The following SLC22A23 variants were observed in gnomAD, a reference collection of about 807,000 sequenced individuals.
The protein encoded by SLC22A23 is ion transporter protein.
Under a neutral mutation model 61.0 loss-of-function variants are expected in SLC22A23, and 26 were observed. The observed-to-expected ratio is 0.43, with a 90% CI of 0.31 to 0.59. The LOEUF (loss-of-function observed/expected upper bound fraction) is 0.59. Among genes scored for constraint, SLC22A23 ranks in the 20% least tolerant of loss-of-function variants. SLC22A23 has a pLI of 0.11. For synonymous variants in SLC22A23, 430 were observed against 413.9 expected (o/e 1.04, Z -0.47); for missense variants, 796 against 934.7 (o/e 0.85, Z 1.94).
chr6:3,425,938 G>A (rs1463413368), intron 1 of SLC22A23, among the ~76,000 whole-genome samples: 1 of 152,202 alleles, frequency 6.6e-6, no homozygotes, highest in Non-Finnish European at 1.5e-5. Context: ...ATATTAATTT[G>A]TTACAGGTTA....
At chr6:3,298,345 A>G in intron 4 of SLC22A23, 127 bp from the exon 5 acceptor site, 1 of 1,033,406 alleles carries the variant, frequency 9.7e-7, no homozygotes, top group Non-Finnish European at 1.4e-6. Context: ...GCATCAGCCC[A>G]ATCAGGGGAG....
At chr6:3,422,901 CT>C (rs1211664240) in intron 1 of SLC22A23, among the ~76,000 whole-genome samples, 2 of 152,170 alleles carry the variant, frequency 1.3e-5, no homozygotes, top group African/African-American at 4.8e-5. Context: ...TCTAGCAGAC[CT>C]GCATTCTGAG....
At position 3,397,563 on chromosome 6, in the gene SLC22A23, CAT is replaced by C. The variant is rs558809639; in HGVS notation, c.913+12623_913+12624del. ...CTTTACATGGTTACTATGAAATTTA[CAT>C]ATCTTTCTATATATTTGTGTATATG... On this transcript the variant is annotated intron_variant, in intron 3 of 9. Coordinates refer to ENST00000406686, the MANE Select transcript of SLC22A23 (RefSeq NM_015482.2). Among the ~76,000 whole-genome samples, 559 of 152,320 alleles carry C rather than the reference CAT, an allele frequency of 3.7e-3. 2 individuals are homozygous for C. The highest frequency in any genetic ancestry group is 6.9e-3 in the Non-Finnish European group (472 of 68,028).
intron 3 of SLC22A23, among the ~76,000 whole-genome samples, chr6:3,351,546 T>C (rs1325308706): frequency 6.6e-6 from 1 of 152,174 alleles, no homozygotes; most frequent in African/African-American, 2.4e-5. Flanking sequence ...TCAGGACTAA[T>C]GAGCAGTCAT....
rs1008500070 is a variant in SLC22A23 at position 3,273,134 on chromosome 6, T to G, written c.1982A>C (p.Tyr661Ser). 6.2e-7 allele frequency: 1 copy of G among 1,609,346 alleles called. No homozygotes were observed. Among genetic ancestry groups the G allele is most frequent in the Non-Finnish European group, 8.5e-7 (1 of 1,179,490 alleles). ...GGCTGCGGCATCGTGGAGGCCCGAG[T>G]AGTCCTTGAGCTCGGCGTTGGTGAG... ...LLLTNAELKD[Y>S]SGLHDAAAAG... Residue 661 changes from tyrosine to serine, a missense_variant, in exon 10 of 10, where the codon TAC (tyrosine) becomes TCC (serine). Physicochemically the swap from Tyr to Ser is moderately radical, Grantham distance 144. Transcript: ENST00000406686.
At position 3,327,329 on chromosome 6, in the gene SLC22A23, G is replaced by A. The variant is rs558532760; in HGVS notation, c.914-3327C>T. Among the ~76,000 whole-genome samples the A allele has an allele frequency of 1.4e-4, 22 of 152,196 alleles. No homozygotes were observed. Among genetic ancestry groups the A allele is most frequent in the Non-Finnish European group, 2.9e-4 (20 of 68,036 alleles). ...AGACCTTGGCTGGCAGCTGTGTCCC[G>A]GTACTTACTAGAATCAATTTCTTTG... On this transcript the variant is annotated intron_variant, in intron 3 of 9. Transcript: ENST00000406686. The surrounding 1 kb of genome is among the most constrained non-coding windows in gnomAD (Gnocchi z 4.1).
chr6:3,333,321 T>G lies in SLC22A23; in HGVS notation c.914-9319A>C, dbSNP rs114182866. 1.2e-4 allele frequency among the ~76,000 whole-genome samples: 18 copies of G among 152,260 alleles called. No homozygotes were observed. Among genetic ancestry groups the G allele is most frequent in the Non-Finnish European group, 2.5e-4 (17 of 68,006 alleles). On this transcript the variant is annotated intron_variant, in intron 3 of 9. Transcript: ENST00000406686. This position sits in a 1 kb window ranked among gnomAD's most constrained non-coding sequence, Gnocchi z 4.1. ...AAGAGGCAGCATCATAAAATCACAATCACTCTGGGTGATAGCTAATTTCAC... is the reference window on the plus strand; with the variant it reads ...AAGAGGCAGCATCATAAAATCACAAGCACTCTGGGTGATAGCTAATTTCAC...
chr6:3,393,603 C>T (rs750644417), intron 3 of SLC22A23, among the ~76,000 whole-genome samples: 18 of 152,120 alleles, frequency 1.2e-4, no homozygotes, highest in Admixed American at 4.6e-4. Flanking sequence ...ATGATGTGAG[C>T]GGGAAAATGG....
chr6:3,433,165 C>T (rs944790755), intron 1 of SLC22A23, among the ~76,000 whole-genome samples: 2 of 152,230 alleles, frequency 1.3e-5, no homozygotes, highest in Admixed American at 6.5e-5. Flanking sequence ...GAGGGCCTGG[C>T]TGCCAAAGCC....
intron 4 of SLC22A23, chr6:3,323,454 C>T: frequency 2.4e-6 from 1 of 418,776 alleles, no homozygotes; most frequent in Admixed American, 3.0e-5. Context: ...TTGTAAATCA[C>T]TCCTTTAATA....
At position 3,456,413 on chromosome 6, in the gene SLC22A23, C is replaced by T. The variant is rs758628424; in HGVS notation, c.147G>A (p.Glu49=). The change falls in exon 1 of 10, where the codon GAG becomes GAA. Residue 49 remains glutamate, a synonymous_variant. Coordinates refer to ENST00000406686, the MANE Select transcript of SLC22A23 (RefSeq NM_015482.2). This position sits in a 1 kb window ranked among gnomAD's most constrained non-coding sequence, Gnocchi z 7.1. ...GGRAGPGGGA[E]IQPLPPLHPG... is the part of the protein sequence containing the mutation. ...GATGCAGTGGGGGCAGCGGCTGGATCTCCGCGCCGCCGCCGGGGCCCGCGC... is the reference window on the plus strand; with the variant it reads ...GATGCAGTGGGGGCAGCGGCTGGATTTCCGCGCCGCCGCCGGGGCCCGCGC... 1 of 1,392,430 alleles carries T rather than the reference C, an allele frequency of 7.2e-7. No individual in the cohort carries two copies. Among genetic ancestry groups the T allele is most frequent in the South Asian group, 1.7e-5 (1 of 60,142 alleles). 86.3% of individuals were successfully genotyped at this position (1,392,430 alleles called of 1,614,324 possible).
Position 3,346,933 on chromosome 6 carries a change from T to C in SLC22A23, c.914-22931A>G, listed in dbSNP as rs185872267. Among the ~76,000 whole-genome samples, 377 of 152,288 alleles carry C rather than the reference T, an allele frequency of 2.5e-3. 1 individual carries two copies. Among genetic ancestry groups the C allele is most frequent in the Middle Eastern group, 6.8e-3 (2 of 294 alleles). ...ATACATACATTTTAACTTTTCACAT[T>C]AAACAAAGATACTATGGGAATTCCC... On this transcript the variant is annotated intron_variant, in intron 3 of 9. Coordinates refer to ENST00000406686, the MANE Select transcript of SLC22A23 (RefSeq NM_015482.2).
At chr6:3,383,484 T>A (rs1767083594) in intron 3 of SLC22A23, among the ~76,000 whole-genome samples, 1 of 152,212 alleles carries the variant, frequency 6.6e-6, no homozygotes, top group African/African-American at 2.4e-5. Flanking sequence ...ACTCCGTGGT[T>A]AAATAAAACC....
At chr6:3,290,248 G>A (rs1300992078) in intron 5 of SLC22A23, 1 of 315,208 alleles carries the variant, frequency 3.2e-6, no homozygotes, top group Non-Finnish European at 6.1e-6. Flanking sequence ...TTAGGCCCTG[G>A]GCAAATCTAA....
At chr6:3,448,193 G>A (rs556398342) in intron 1 of SLC22A23, among the ~76,000 whole-genome samples, 11 of 151,892 alleles carry the variant, frequency 7.2e-5, no homozygotes, top group Non-Finnish European at 1.0e-4. Flanking sequence ...GTGAGCCACC[G>A]CGCCCGGCCA....
At chr6:3,323,760 T>C in intron 4 of SLC22A23, 74 bp downstream of exon 4, 1 of 1,492,332 alleles carries the variant, frequency 6.7e-7, no homozygotes, top group Non-Finnish European at 9.0e-7. Context: ...GGATTGTGTG[T>C]CCTGCCCGGG....
chr6:3,287,282 T>C (rs1473721284), intron 6 of SLC22A23, among the ~76,000 whole-genome samples, 191 bp from the exon 7 acceptor site: 2 of 152,238 alleles, frequency 1.3e-5, no homozygotes, highest in Admixed American at 6.5e-5. Context: ...GGGAGAAATA[T>C]GGAATGCTTC....
intron 3 of SLC22A23, among the ~76,000 whole-genome samples, chr6:3,389,432 T>C (rs953656742): frequency 4.6e-5 from 7 of 152,176 alleles, no homozygotes; most frequent in African/African-American, 1.7e-4. Flanking sequence ...ACAATTGAAA[T>C]TGAAGTCTAT....
chr6:3,421,728 C>T (rs1347918582), intron 1 of SLC22A23, among the ~76,000 whole-genome samples: 1 of 152,088 alleles, frequency 6.6e-6, no homozygotes, highest in African/African-American at 2.4e-5. Flanking sequence ...ATAATGTAAA[C>T]TCCCACAGTG....
Sources: allele counts gnomAD v4.1 joint callset (sites outside exome capture counted in the v4.1 genomes callset), GRCh38; gene constraint gnomAD v4.1.1; non-coding constraint Gnocchi (gnomAD v3.1); transcripts MANE v1.5; gene names NCBI Gene and HGNC (gene_info 2026-07-23, HGNC 2026-07-21).